Variants in DCAF6 observed in about 807,000 individuals in gnomAD.
The protein encoded by DCAF6 is DDB1 and CUL4 associated factor 6, also known as DDB1- and CUL4-associated factor 6.
Under a neutral mutation model 125.1 loss-of-function variants are expected in DCAF6, and 54 were observed. That is an observed-to-expected ratio of 0.43 (90% CI 0.35 to 0.54). DCAF6 has a LOEUF of 0.54. Ranked by LOEUF, DCAF6 falls within the 20% of genes least tolerant of loss-of-function variation. The pLI is 0.01. For missense variants in DCAF6, 934 were observed against 1,161.7 expected (o/e 0.80, Z 2.85); for synonymous variants, 371 against 390.4 (o/e 0.95, Z 0.58).
intron 3 of DCAF6, among the ~76,000 whole-genome samples, chr1:167,969,960 A>G (rs1027018148): frequency 6.6e-6 from 1 of 152,090 alleles, no homozygotes; most frequent in East Asian, 1.9e-4. Context: ...TATTTTTTGT[A>G]GAGTTGGGGT....
chr1:167,865,385 T>C, the DCAF6 span, among the ~76,000 whole-genome samples: 4 of 152,090 alleles, frequency 2.6e-5, no homozygotes, highest in East Asian at 7.7e-4. Flanking sequence ...ATGCAACAGG[T>C]TTTTCTTGAA....
At chr1:167,915,383 C>G in the DCAF6 span, among the ~76,000 whole-genome samples, 3 of 152,200 alleles carry the variant, frequency 2.0e-5, no homozygotes, top group Non-Finnish European at 4.4e-5. Context: ...CACAGTATAT[C>G]CTTTTTGTAG....
intron 12 of DCAF6, among the ~76,000 whole-genome samples, chr1:168,027,657 A>G (rs1686517700): frequency 6.6e-6 from 1 of 152,128 alleles, no homozygotes; most frequent in African/African-American, 2.4e-5. Flanking sequence ...GCATTTTCAT[A>G]GATTTCTTTA....
chr1:167,878,604 C>G, the DCAF6 span: 1 of 1,614,118 alleles, frequency 6.2e-7, no homozygotes, highest in East Asian at 2.2e-5. Context: ...ACATCATCAT[C>G]CTGGCAGCTA....
chr1:167,917,332 G>A, the DCAF6 span: 1 of 152,228 alleles, frequency 6.6e-6, no homozygotes, highest in Non-Finnish European at 1.5e-5. Context: ...GGGTATGGTG[G>A]CTCATGCCTG....
intron 11 of DCAF6, among the ~76,000 whole-genome samples, chr1:168,021,914 ATTT>A (rs1685715246): frequency 6.6e-6 from 1 of 152,212 alleles, no homozygotes; most frequent in African/African-American, 2.4e-5. Context: ...GGCCAAAAGT[ATTT>A]TGTTAACATT....
the DCAF6 span, chr1:167,904,931 T>C: frequency 6.2e-7 from 1 of 1,612,334 alleles, no homozygotes; most frequent in Admixed American, 1.7e-5. Flanking sequence ...AAGCTCTGCA[T>C]GTGAATTCCC....
the DCAF6 span, chr1:167,899,354 G>T: frequency 6.7e-7 from 1 of 1,492,234 alleles, no homozygotes; most frequent in Non-Finnish European, 9.3e-7. Context: ...CGTGCCCAGT[G>T]ACTCTTCTGG....
intron 1 of DCAF6, among the ~76,000 whole-genome samples, chr1:167,949,058 T>C (rs922718936): frequency 1.3e-5 from 2 of 152,218 alleles, no homozygotes; most frequent in African/African-American, 4.8e-5. Context: ...ATGCATACTT[T>C]GTGGCAGGCA....
At chr1:167,949,649 A>C (rs998365380) in intron 1 of DCAF6, among the ~76,000 whole-genome samples, 1 of 152,174 alleles carries the variant, frequency 6.6e-6, no homozygotes, top group Non-Finnish European at 1.5e-5. Context: ...GCCATACATG[A>C]GTAGTAAATT....
At chr1:168,045,273 C>A in intron 16 of DCAF6, 46 bp downstream of exon 16, 1 of 1,498,912 alleles carries the variant, frequency 6.7e-7, no homozygotes, top group Admixed American at 2.3e-5. Flanking sequence ...ATGTATTTCA[C>A]AAGGATTTGT....
At chr1:167,873,208 G>C in the DCAF6 span, among the ~76,000 whole-genome samples, 1 of 152,140 alleles carries the variant, frequency 6.6e-6, no homozygotes, top group African/African-American at 2.4e-5. Context: ...GAAAAGTAAG[G>C]CCTCTGAGGA....
the DCAF6 span, among the ~76,000 whole-genome samples, chr1:167,875,746 C>T: frequency 7.2e-5 from 11 of 151,956 alleles, no homozygotes; most frequent in East Asian, 1.9e-4. Context: ...GTCAGGAGAT[C>T]GAGACCATCC....
intron 18 of DCAF6, 152 bp downstream of exon 18, chr1:168,063,911 G>C: frequency 1.4e-6 from 1 of 696,004 alleles, no homozygotes. Flanking sequence ...GGTTCTTTTA[G>C]CCCTATAATA....
chr1:167,911,292 A>G, the DCAF6 span, among the ~76,000 whole-genome samples: 1 of 152,204 alleles, frequency 6.6e-6, no homozygotes, highest in African/African-American at 2.4e-5. Context: ...CTTAAAAGCA[A>G]AATTTATTCA....
At chr1:167,874,579 T>C in the DCAF6 span, among the ~76,000 whole-genome samples, 1 of 97,412 alleles carries the variant, frequency 1.0e-5, no homozygotes, top group Non-Finnish European at 2.1e-5. Flanking sequence ...TGGCACCCTT[T>C]GTCCCAACAA....
the DCAF6 span, chr1:167,878,372 G>A: frequency 0.014 from 21,363 of 1,522,642 alleles, 1,548 homozygotes; most frequent in African/African-American, 0.2. Context: ...ATCTTAAATG[G>A]GTGACTGCTT....
the DCAF6 span, among the ~76,000 whole-genome samples, chr1:167,873,016 G>A: frequency 3.3e-5 from 5 of 151,940 alleles, no homozygotes; most frequent in East Asian, 1.9e-4. Context: ...GTTGTAGTGA[G>A]CTGAGATCGC....
At chr1:167,933,864 T>G (rs562335158), upstream of DCAF6, among the ~76,000 whole-genome samples, 1 of 152,220 alleles carries the variant, frequency 6.6e-6, no homozygotes. Flanking sequence ...ATTTTAGAAC[T>G]GACAGTTATT....
Sources: gnomAD v4.1 joint callset for allele counts (sites outside exome capture counted in the v4.1 genomes callset) on GRCh38, gnomAD v4.1.1 for gene constraint, MANE v1.5 for transcripts, NCBI Gene and HGNC (gene_info 2026-07-23, HGNC 2026-07-21) for gene names.